MYH1: variants seen among roughly 807,000 people sequenced by gnomAD.
The protein encoded by MYH1 is myosin-1.
A neutral mutation model predicts 225.6 loss-of-function variants in MYH1; 214 were observed. The ratio of observed to expected loss-of-function variants is 0.95; its 90% CI spans 0.85 to 1.06. The LOEUF is 1.06. Among genes scored for constraint, MYH1 ranks in the 50% least tolerant of loss-of-function variants. MYH1 has a pLI of 0.00. For synonymous variants in MYH1, 774 were observed against 842.3 expected, an observed-to-expected ratio of 0.92 and a Z score of 1.40; for missense variants, 2,098 against 2,344.2, an observed-to-expected ratio of 0.89 and a Z score of 2.17.
rs1419034833 is a variant in MYH1, at chr17:10,497,312, C to G, written c.4506G>C (p.Leu1502Phe). The change falls in exon 32 of 40, where the codon TTG (leucine) becomes TTC (phenylalanine). Residue 1502 changes from leucine (L) to phenylalanine (F), a missense_variant. Leu to Phe is a conservative substitution (Grantham distance 22). Coordinates refer to ENST00000226207, the MANE Select transcript of MYH1 (RefSeq NM_005963.4). ...GTTGCAAATTCTTATTTTCCCGTTT[C>G]AAGGTTTCAAGTTGGTCTAAAGATT... is the stretch of plus-strand genomic sequence containing the variant. ...YEESLDQLET[L>F]KRENKNLQQE... The G allele has an allele frequency of 2.5e-6, 4 of 1,605,624 alleles. No homozygotes were observed. Among genetic ancestry groups the G allele is most frequent in the Non-Finnish European group, 3.4e-6 (4 of 1,178,042 alleles).
intron 6 of MYH1, 86 bp downstream of exon 6, chr17:10,514,782 G>T: frequency 8.1e-7 from 1 of 1,235,018 alleles, no homozygotes; most frequent in Non-Finnish European, 1.2e-6. Flanking sequence ...TGCTTTAGTA[G>T]AGAACATTAA....
At chr17:10,500,118 AGT>A (rs1178071206) in intron 28 of MYH1, among the ~76,000 whole-genome samples, 1 of 152,240 alleles carries the variant, frequency 6.6e-6, no homozygotes, top group Non-Finnish European at 1.5e-5. Context: ...AAAAGACTGG[AGT>A]AAACATTCTT....
Position 10,505,876 on chromosome 17 carries a change from C to T in MYH1, c.2110G>A (p.Glu704Lys), listed in dbSNP as rs149164396. ...CCTTTCCTGCAGATGCGGATGCCTT[C>T]CAGCACACCGTTACACCTCAGCTGA... ...LHQLRCNGVL[E>K]GIRICRKGFP... The change falls in exon 19 of 40, where the codon GAA becomes AAA. Residue 704 changes from glutamate (E) to lysine (K), a missense_variant. By Grantham distance (56) the Glu-to-Lys change is moderately conservative. Transcript: ENST00000226207. The T allele has an allele frequency of 1.8e-3, 2,855 of 1,614,122 alleles. 3 individuals carry two copies. The highest frequency in any genetic ancestry group is 2.3e-3 in the Non-Finnish European group (2,667 of 1,179,996).
intron 30 of MYH1, 110 bp downstream of exon 30, chr17:10,498,516 A>G (rs2073018919): frequency 1.4e-5 from 20 of 1,458,130 alleles, no homozygotes; most frequent in Non-Finnish European, 1.7e-5. Context: ...CAAAACATTA[A>G]TTCCAACAAT....
At position 10,516,087 on chromosome 17, in the gene MYH1, A is replaced by G. The variant is rs762574250; in HGVS notation, c.349-5T>C. The G allele has an allele frequency of 3.1e-6, 5 of 1,613,930 alleles. No homozygotes were observed. The highest frequency in any genetic ancestry group is 1.7e-4 in the Middle Eastern group (1 of 6,060). ...ACAGAACAAGCCTGAGTAGGTCTGC[A>G]CCCAAAACAAAAGGGAGGAACAGAA... is the stretch of plus-strand genomic sequence containing the variant. On this transcript the variant is annotated splice_region_variant and splice_polypyrimidine_tract_variant and intron_variant, in intron 4 of 39. Transcript: ENST00000226207.
At chr17:10,504,402 A>T (rs1016333473) in intron 22 of MYH1, among the ~76,000 whole-genome samples, 1 of 152,202 alleles carries the variant, frequency 6.6e-6, no homozygotes, top group South Asian at 2.1e-4. Flanking sequence ...TTGCTCGGGG[A>T]TTGTAGATAC....
intron 28 of MYH1, 103 bp from the exon 29 acceptor site, chr17:10,499,195 A>G (rs1303474743): frequency 4.3e-6 from 4 of 934,308 alleles, no homozygotes; most frequent in African/African-American, 1.7e-5. Flanking sequence ...AACTTGATGG[A>G]GGGCATGGGT....
chr17:10,495,286 A>G lies in MYH1; in HGVS notation c.5201T>C (p.Leu1734Pro), dbSNP rs1012337672. Residue 1734 changes from leucine (L) to proline (P), a missense_variant, in exon 36 of 40, where the codon CTG (leucine) becomes CCG (proline). Leu to Pro is a moderately conservative substitution (Grantham distance 98, BLOSUM62 -3). Transcript: ENST00000226207. Reference sequence around the variant, plus strand: ...CTGGATTTGGGAAATGTCTGTCTCCAGCTTCTTCTTGGTGTTGATCAGGCT... The same window carrying G: ...CTGGATTTGGGAAATGTCTGTCTCCGGCTTCTTCTTGGTGTTGATCAGGCT... The part of the protein sequence containing the change: ...NTSLINTKKK[L>P]ETDISQIQGE... The G allele has an allele frequency of 4.3e-6, 7 of 1,614,052 alleles. No homozygotes were observed. Among genetic ancestry groups the G allele is most frequent in the Non-Finnish European group, 5.9e-6 (7 of 1,180,012 alleles).
At chr17:10,497,035 C>A (rs1426125098) in intron 33 of MYH1, 34 bp downstream of exon 33, 1 of 1,593,716 alleles carries the variant, frequency 6.3e-7, no homozygotes, top group Non-Finnish European at 8.5e-7. Context: ...AATTCCTCTT[C>A]TAATTGTTTT....
intron 22 of MYH1, among the ~76,000 whole-genome samples, chr17:10,504,034 C>T (rs1180174718): frequency 6.6e-6 from 1 of 152,172 alleles, no homozygotes; most frequent in Non-Finnish European, 1.5e-5. Context: ...ATATGTGTCC[C>T]AAACTTGTAG....
rs1195083997 is a variant in MYH1 at position 10,497,471 on chromosome 17, A to G, written c.4366-19T>C. 1.3e-6 allele frequency: 2 copies of G among 1,590,108 alleles called. No individual in the cohort carries two copies. The highest frequency in any genetic ancestry group is 2.7e-5 in the African/African-American group (2 of 73,310). On this transcript the variant is annotated intron_variant, in intron 31 of 39. Coordinates refer to ENST00000226207, the MANE Select transcript of MYH1 (RefSeq NM_005963.4). Reference sequence around the variant, plus strand: ...CCAGGATCTGAAGGTCAAGGAATGGACAAGAAATTTAGTGGACAAAATTTG... The same window carrying G: ...CCAGGATCTGAAGGTCAAGGAATGGGCAAGAAATTTAGTGGACAAAATTTG...
chr17:10,494,790 T>C, intron 37 of MYH1, 117 bp from the exon 38 acceptor site: 1 of 1,583,202 alleles, frequency 6.3e-7, no homozygotes, highest in Non-Finnish European at 8.6e-7. Flanking sequence ...TAGTTCAGTT[T>C]TCCTTATTAT....
In MYH1 at chr17:10,508,040, G is replaced by A. The variant is rs1405535314; in HGVS notation, c.1898-84C>T. On this transcript the variant is annotated intron_variant, in intron 16 of 39. Transcript: ENST00000226207. Reference sequence around the variant, plus strand: ...TTTGTTTTTTTTTGTTTTTTTTGACGAAGTTTCACTCTTGGTTGCCCAGGC... The same window carrying A: ...TTTGTTTTTTTTTGTTTTTTTTGACAAAGTTTCACTCTTGGTTGCCCAGGC... 134 of 1,190,096 alleles carry A rather than the reference G, an allele frequency of 1.1e-4. 1 individual carries two copies. The highest frequency in any genetic ancestry group is 1.4e-4 in the Non-Finnish European group (118 of 829,362). The allele number at this position is 1,190,096 out of a possible 1,614,324, so 73.7% of individuals were successfully genotyped here. A position where few individuals can be genotyped will look rare whatever the true frequency, so the allele number is the denominator to read the frequency against.
intron 17 of MYH1, among the ~76,000 whole-genome samples, chr17:10,507,512 A>T (rs1366754593): frequency 6.6e-6 from 1 of 152,172 alleles, no homozygotes; most frequent in African/African-American, 2.4e-5. Flanking sequence ...AAGCACCTAA[A>T]TCACTTGGAG....
At chr17:10,501,554 T>C (rs200140499) in intron 26 of MYH1, 40 bp downstream of exon 26, 17 of 1,614,222 alleles carry the variant, frequency 1.1e-5, no homozygotes, top group Non-Finnish European at 1.4e-5. Context: ...TCAGTAACTT[T>C]TCGATGTTAA....
chr17:10,495,335 T>G lies in MYH1; in HGVS notation c.5170-18A>C. The G allele has an allele frequency of 1.2e-6, 2 of 1,613,890 alleles. No homozygotes were observed. The highest frequency in any genetic ancestry group is 1.7e-6 in the Non-Finnish European group (2 of 1,179,932). ...CTGGTGTTCTGTTTAAAATGTGAAA[T>G]TTAGAAATATTAGGCACATGAGAGA... is the stretch of plus-strand genomic sequence containing the variant. On this transcript the variant is annotated intron_variant, in intron 35 of 39. Transcript: ENST00000226207.
rs146933070 is a variant in MYH1 at position 10,516,503 on chromosome 17, A to G, written c.140T>C (p.Phe47Ser). The part of the protein sequence containing the change: ...SVFVVDPKES[F>S]VKATVQSREG... ...CCTGCTCTGCACTGTTGCTTTCACA[A>G]AGGACTCCTTAGGGTCCACCACAAA... The change falls in exon 3 of 40, where the codon TTT (phenylalanine) becomes TCT (serine). Residue 47 changes from phenylalanine to serine, a missense_variant. Transcript: ENST00000226207. 1.1e-5 allele frequency: 17 copies of G among 1,614,038 alleles called. No individual in the cohort carries two copies. The highest frequency in any genetic ancestry group is 1.4e-5 in the Non-Finnish European group (16 of 1,180,032).
chr17:10,497,115 A>G lies in MYH1; in HGVS notation c.4610T>C (p.Val1537Ala). 1.2e-6 allele frequency: 2 copies of G among 1,614,088 alleles called. No individual in the cohort carries two copies. Among genetic ancestry groups the G allele is most frequent in the African/African-American group, 1.3e-5 (1 of 75,022 alleles). ...IHELEKIKKQ[V>A]EQEKSELQAA... ...CTGAAGTTCAGACTTTTCTTGCTCA[A>G]CTTGCTTCTTTATTTTTTCCAGTTC... Residue 1537 changes from valine to alanine, a missense_variant, in exon 33 of 40, where the codon GTT becomes GCT. Transcript: ENST00000226207.
rs775390664 is a variant in MYH1 at position 10,511,994 on chromosome 17, C to T, written c.1267-6G>A. The T allele has an allele frequency of 1.2e-6, 2 of 1,614,152 alleles. No homozygotes were observed. Among genetic ancestry groups the T allele is most frequent in the East Asian group, 2.2e-5 (1 of 44,874 alleles). ...GCACCCACTGCATTGTACACCTTCA[C>T]AGATAAAGTTTGTTGGTGTTATTAA... is the stretch of plus-strand genomic sequence containing the variant. On this transcript the variant is annotated splice_region_variant and splice_polypyrimidine_tract_variant and intron_variant, in intron 13 of 39. Coordinates refer to ENST00000226207, the MANE Select transcript of MYH1 (RefSeq NM_005963.4).
Sources: gnomAD v4.1 joint callset for allele counts (sites outside exome capture counted in the v4.1 genomes callset) on GRCh38, gnomAD v4.1.1 for gene constraint, MANE v1.5 for transcripts, NCBI Gene and HGNC (gene_info 2026-07-23, HGNC 2026-07-21) for gene names.